PRELID2: variants seen among roughly 807,000 people sequenced by gnomAD.
PRELID2 encodes the protein PRELI domain containing 2.
Under a neutral mutation model 28.4 loss-of-function variants are expected in PRELID2, and 25 were observed. The ratio of observed to expected loss-of-function variants is 0.88; its 90% CI spans 0.64 to 1.23. PRELID2 has a LOEUF of 1.23. PRELID2 is among the 50% of genes most tolerant of loss of function. The pLI is 0.00. For synonymous variants in PRELID2, 76 were observed against 71.6 expected, an observed-to-expected ratio of 1.06 and a Z score of -0.31; for missense variants, 201 against 214.4, an observed-to-expected ratio of 0.94 and a Z score of 0.39.
intron 5 of PRELID2, among the ~76,000 whole-genome samples, chr5:145,781,709 T>TAC (rs993015765): frequency 4.1e-5 from 6 of 146,760 alleles, no homozygotes; most frequent in South Asian, 2.1e-4. Context: ...TATATATATA[T>TAC]ACACACACAC....
At chr5:145,663,761 C>A (rs1212238927) in intron 1 of PRELID2, among the ~76,000 whole-genome samples, 2 of 152,054 alleles carry the variant, frequency 1.3e-5, no homozygotes, top group Admixed American at 1.3e-4. Context: ...GCCAGTTAAC[C>A]AGCATCTCTA....
rs141010852 is a variant in PRELID2, at chr5:145,599,568, G to A, written n.71-126253C>T. Among the ~76,000 whole-genome samples the A allele has an allele frequency of 9.1e-3, 1,391 of 152,088 alleles. 30 individuals carry two copies. The highest frequency in any genetic ancestry group is 0.032 in the African/African-American group (1,318 of 41,486). On this transcript the variant is annotated intron_variant and non_coding_transcript_variant, in intron 1 of 2. Coordinates refer to the PRELID2 transcript ENST00000510259. ...CAGCACTGGACTGTTTCTGTCTTAC[G>A]CTCGAGATACTTGAATGCATGACTA...
At chr5:145,528,414 G>A (rs116691369) in intron 1 of PRELID2, among the ~76,000 whole-genome samples, 2,240 of 152,072 alleles carry the variant, frequency 0.015, 52 homozygotes, top group African/African-American at 0.052. Flanking sequence ...ACGGAAGCTG[G>A]CAGACAGGCC....
At chr5:145,392,128 T>C in the PRELID2 span, among the ~76,000 whole-genome samples, 1 of 152,202 alleles carries the variant, frequency 6.6e-6, no homozygotes, top group Non-Finnish European at 1.5e-5. Context: ...CCCCACTCTC[T>C]GTGGTACCAA....
At chr5:145,726,641 G>A (rs1756175518) in intron 1 of PRELID2, among the ~76,000 whole-genome samples, 1 of 152,178 alleles carries the variant, frequency 6.6e-6, no homozygotes, top group Non-Finnish European at 1.5e-5. Context: ...CCACCAAGGT[G>A]CCTATCTCTG....
At chr5:145,311,445 C>T in the PRELID2 span, among the ~76,000 whole-genome samples, 1 of 152,166 alleles carries the variant, frequency 6.6e-6, no homozygotes, top group African/African-American at 2.4e-5. Flanking sequence ...CCCTAGGTCT[C>T]ACCAATTGTG....
the PRELID2 span, among the ~76,000 whole-genome samples, chr5:145,443,733 A>G: frequency 6.2e-4 from 95 of 152,190 alleles, 1 homozygote; most frequent in African/African-American, 2.2e-3. Context: ...AGCACAACAC[A>G]GCTTTATCTT....
At chr5:145,295,309 G>C in the PRELID2 span, among the ~76,000 whole-genome samples, 6 of 151,926 alleles carry the variant, frequency 3.9e-5, no homozygotes, top group African/African-American at 1.4e-4. Flanking sequence ...TTAGTGATAA[G>C]GTAAGAAAAA....
rs79481621 is a variant in PRELID2, at chr5:145,661,719, G to A, written n.70+103212C>T. On this transcript the variant is annotated intron_variant and non_coding_transcript_variant, in intron 1 of 2. Transcript: ENST00000510259. ...TTATGCTTGCAAGTGCCATTTAGAA[G>A]GGAAAATACATTAGCCGCCTGAGAA... 3.8e-3 allele frequency among the ~76,000 whole-genome samples: 567 copies of A among 149,196 alleles called. 2 individuals are homozygous for A. Among genetic ancestry groups the A allele is most frequent in the African/African-American group, 0.013 (531 of 40,700 alleles).
intron 1 of PRELID2, among the ~76,000 whole-genome samples, chr5:145,600,432 A>T (rs796171598): frequency 0.085 from 10,795 of 126,606 alleles, 585 homozygotes; most frequent in Admixed American, 0.17. Flanking sequence ...AAAAAAAAAA[A>T]AAATATATAT....
chr5:145,705,808 A>G (rs1413811309), intron 1 of PRELID2, among the ~76,000 whole-genome samples: 1 of 152,122 alleles, frequency 6.6e-6, no homozygotes, highest in South Asian at 2.1e-4. Flanking sequence ...TGAAATGTGA[A>G]TTTCATATAA....
intron 1 of PRELID2, among the ~76,000 whole-genome samples, chr5:145,483,488 C>T (rs1287233668): frequency 6.6e-6 from 1 of 152,176 alleles, no homozygotes; most frequent in East Asian, 1.9e-4. Flanking sequence ...TAGTCCAGAC[C>T]AGAAGAGCCA....
intron 4 of PRELID2, 134 bp downstream of exon 4, chr5:145,817,759 TA>T (rs1754471966): frequency 2.7e-6 from 2 of 749,516 alleles, no homozygotes; most frequent in East Asian, 3.3e-5. Flanking sequence ...TTACTGTGAT[TA>T]AAAAATTAAT....
intron 1 of PRELID2, among the ~76,000 whole-genome samples, chr5:145,587,005 AATTGGTTATTGTAAAGGCCAAATATGCC>A (rs1046202314): frequency 6.6e-6 from 1 of 152,100 alleles, no homozygotes; most frequent in Non-Finnish European, 1.5e-5. Context: ...CAGTGAAACT[AATTGGTTATTGTAAAGGCCAAATATGCC>A]AAGAGTCTAT....
chr5:145,686,333 G>A (rs952839581), intron 1 of PRELID2, among the ~76,000 whole-genome samples: 2 of 151,980 alleles, frequency 1.3e-5, no homozygotes, highest in South Asian at 2.1e-4. Flanking sequence ...AACTAAATTC[G>A]AATGAATATT....
In PRELID2 at chr5:145,781,980, G is replaced by C. The variant is rs541037561; in HGVS notation, c.474+14462C>G. Among the ~76,000 whole-genome samples the C allele has an allele frequency of 8.8e-4, 134 of 152,110 alleles. 1 individual carries two copies. In the Middle Eastern group the frequency reaches 0.01, roughly 12 times the overall value. On this transcript the variant is annotated intron_variant, in intron 5 of 6. Coordinates refer to ENST00000683046, the MANE Select transcript of PRELID2 (RefSeq NM_205846.3). ...ACAAAAGAGTGAGAGAAGAGGTTCA[G>C]AAAACTAATAGATTGGTTGGAATTT... is the stretch of plus-strand genomic sequence containing the variant.
chr5:145,436,673 C>A, the PRELID2 span, among the ~76,000 whole-genome samples: 1 of 152,062 alleles, frequency 6.6e-6, no homozygotes, highest in Non-Finnish European at 1.5e-5. Flanking sequence ...ATTAGTGATG[C>A]TGAGCATTTT....
At chr5:145,468,366 T>G (rs984497642), downstream of PRELID2, among the ~76,000 whole-genome samples, 4 of 152,102 alleles carry the variant, frequency 2.6e-5, no homozygotes, top group African/African-American at 4.8e-5. Context: ...GAATAGTGCC[T>G]CAATAAACAT....
At chr5:145,478,854 C>A (rs1752131659) in intron 1 of PRELID2, among the ~76,000 whole-genome samples, 1 of 152,178 alleles carries the variant, frequency 6.6e-6, no homozygotes, top group African/African-American at 2.4e-5. Context: ...CAAACTGGAT[C>A]TACTCTGTTG....
Sources: gnomAD v4.1 joint callset for allele counts (sites outside exome capture counted in the v4.1 genomes callset) on GRCh38, gnomAD v4.1.1 for gene constraint, MANE v1.5 for transcripts, NCBI Gene and HGNC (gene_info 2026-07-23, HGNC 2026-07-21) for gene names.